The following TBC1D8 variants were observed in gnomAD, a reference collection of about 807,000 sequenced individuals.
TBC1D8 encodes the protein TBC1 domain family member 8, also known as BUB2-like protein 1.
Under a neutral mutation model 118.8 loss-of-function variants are expected in TBC1D8, and 65 were observed. The observed-to-expected ratio is 0.55, with a 90% CI of 0.45 to 0.67. The LOEUF is 0.67. Among genes scored for constraint, TBC1D8 ranks in the 30% least tolerant of loss-of-function variants. TBC1D8 has a pLI of 0.00. For missense variants in TBC1D8, 1,376 were observed against 1,471.2 expected (o/e 0.94, Z 1.06); for synonymous variants, 566 against 595.8 (o/e 0.95, Z 0.73).
Position 101,139,422 on chromosome 2 carries a change from C to G in TBC1D8, c.127+11705G>C, listed in dbSNP as rs1261254090. 3.3e-5 allele frequency among the ~76,000 whole-genome samples: 5 copies of G among 152,182 alleles called. No homozygotes were observed. The South Asian group carries it at 1.0e-3, about 31-fold the overall frequency. The stretch of plus-strand genomic sequence containing the variant: ...CCCTCCAGTCTCCAGCCCGCTCCCA[C>G]GCCACATCTGCCTGCATCCAAGCTG... On this transcript the variant is annotated intron_variant, in intron 1 of 19. Transcript: ENST00000409318.
At chr2:101,082,634 C>T (rs902530787) in intron 2 of TBC1D8, among the ~76,000 whole-genome samples, 1 of 152,216 alleles carries the variant, frequency 6.6e-6, no homozygotes, top group Non-Finnish European at 1.5e-5. Flanking sequence ...ACATGCGGGA[C>T]ACTTGAAGAT....
At chr2:101,014,709 T>C (rs891105936) in intron 17 of TBC1D8, among the ~76,000 whole-genome samples, 6 of 152,320 alleles carry the variant, frequency 3.9e-5, no homozygotes, top group Admixed American at 3.9e-4. Context: ...AGCAGATATC[T>C]TGACATATTG....
intron 3 of TBC1D8, among the ~76,000 whole-genome samples, chr2:101,056,902 G>T (rs974520872): frequency 2.6e-5 from 4 of 152,208 alleles, no homozygotes; most frequent in African/African-American, 9.7e-5. Flanking sequence ...CAGGATATGA[G>T]TAGGAAAGCC....
chr2:101,022,184 C>T (rs1316982565), intron 16 of TBC1D8, 97 bp downstream of exon 16: 7 of 1,562,258 alleles, frequency 4.5e-6, no homozygotes, highest in Non-Finnish European at 4.3e-6. Flanking sequence ...AAAAGTGTTA[C>T]ACCATGTGCA....
At chr2:101,146,235 C>T (rs1482518895) in intron 1 of TBC1D8, among the ~76,000 whole-genome samples, 1 of 152,174 alleles carries the variant, frequency 6.6e-6, no homozygotes, top group African/African-American at 2.4e-5. Context: ...AACTCAAAGC[C>T]TCTCAGTCCA....
chr2:101,082,411 T>C (rs1675325537), intron 2 of TBC1D8, among the ~76,000 whole-genome samples: 1 of 152,156 alleles, frequency 6.6e-6, no homozygotes, highest in Admixed American at 6.6e-5. Flanking sequence ...CCGGCCCTCC[T>C]GCAGGCTGGG....
In TBC1D8 at chr2:101,054,283, G is replaced by A. The variant is rs369641532; in HGVS notation, c.456C>T (p.Pro152=). 1.4e-5 allele frequency: 22 copies of A among 1,592,022 alleles called. No individual in the cohort carries two copies. The African/African-American group carries it at 1.7e-4, about 13-fold the overall frequency. The change falls in exon 4 of 20, where the codon CCC becomes CCT. Residue 152 remains proline (P), a synonymous_variant. Transcript: ENST00000409318. ...SSRLAEQEEE[P]EKFREALVKF... is the part of the protein sequence containing the mutation. ...TCACCAGGGCTTCTCGGAATTTCTCGGGTTCCTCCTCCTGCTCGGCGAGCC... is the reference window on the plus strand; with the variant it reads ...TCACCAGGGCTTCTCGGAATTTCTCAGGTTCCTCCTCCTGCTCGGCGAGCC...
At chr2:101,039,337 C>A (rs1417684796) in intron 6 of TBC1D8, among the ~76,000 whole-genome samples, 2 of 152,134 alleles carry the variant, frequency 1.3e-5, no homozygotes, top group Non-Finnish European at 2.9e-5. Context: ...AGAATAATAA[C>A]ATGGAGTTAG....
chr2:101,009,102 G>A (rs1030194032), intron 19 of TBC1D8, among the ~76,000 whole-genome samples: 1 of 151,936 alleles, frequency 6.6e-6, no homozygotes, highest in African/African-American at 2.4e-5. Context: ...ATAGAAAAAT[G>A]GTTGGGTATG....
rs78314416 is a variant in TBC1D8, at chr2:101,021,339, A to G, written c.2827+342T>C. On this transcript the variant is annotated intron_variant, in intron 17 of 19. Coordinates refer to ENST00000409318, the MANE Select transcript of TBC1D8 (RefSeq NM_001330348.2). ...GGTTCTTCAGATTCAGTAGCCTAAA[A>G]TAACTATTAAGGTAATGAGGATATG... Among the ~76,000 whole-genome samples the G allele has an allele frequency of 2.1e-3, 322 of 152,294 alleles. 1 individual carries two copies. Among genetic ancestry groups the G allele is most frequent in the Non-Finnish European group, 2.9e-3 (197 of 68,020 alleles).
At chr2:101,009,115 C>T (rs955481696) in intron 19 of TBC1D8, among the ~76,000 whole-genome samples, 5 of 151,736 alleles carry the variant, frequency 3.3e-5, no homozygotes, top group South Asian at 2.1e-4. Context: ...TGGGTATGGC[C>T]GGGTGCGGTG....
At chr2:101,125,931 C>T (rs1037807453) in intron 1 of TBC1D8, among the ~76,000 whole-genome samples, 6 of 152,192 alleles carry the variant, frequency 3.9e-5, no homozygotes, top group African/African-American at 1.2e-4. Flanking sequence ...ACTCCATTCT[C>T]CTTCCCCTTG....
intron 1 of TBC1D8, among the ~76,000 whole-genome samples, chr2:101,126,981 G>A (rs938658890): frequency 6.6e-6 from 1 of 152,172 alleles, no homozygotes; most frequent in Non-Finnish European, 1.5e-5. Context: ...CAAGGGCTTG[G>A]GGGTTGACTC....
In TBC1D8 at chr2:101,114,914, A is replaced by C. The variant is rs577703381; in HGVS notation, c.128-24550T>G. ...GGGTGCCACCCCACGGAAATAAGGA[A>C]GTGCAGTTGGCCCCATGGTCCCTGG... On this transcript the variant is annotated intron_variant, in intron 1 of 19. Coordinates refer to ENST00000409318, the MANE Select transcript of TBC1D8 (RefSeq NM_001330348.2). Among the ~76,000 whole-genome samples the C allele has an allele frequency of 4.6e-5, 7 of 152,318 alleles. No individual in the cohort carries two copies. In the South Asian group the frequency reaches 1.4e-3, roughly 32 times the overall value.
At chr2:101,085,372 C>T (rs557266922) in intron 2 of TBC1D8, among the ~76,000 whole-genome samples, 66 of 152,110 alleles carry the variant, frequency 4.3e-4, no homozygotes, top group Non-Finnish European at 5.4e-4. Context: ...GACAACTCCC[C>T]AGAAGCCAAC....
intron 5 of TBC1D8, among the ~76,000 whole-genome samples, chr2:101,041,347 A>T (rs1045432748): frequency 6.6e-6 from 1 of 152,204 alleles, no homozygotes; most frequent in African/African-American, 2.4e-5. Context: ...AATATTGTTC[A>T]GCCATAAAAA....
chr2:101,017,798 T>C (rs1679764615), intron 17 of TBC1D8: 1 of 1,536,702 alleles, frequency 6.5e-7, no homozygotes, highest in South Asian at 1.2e-5. Context: ...CTCAGGACTT[T>C]TTAATATTAG....
At chr2:101,150,980 GA>G (rs1558735840) in intron 1 of TBC1D8, 146 bp downstream of exon 1, 1 of 539,034 alleles carries the variant, frequency 1.9e-6, no homozygotes, top group African/African-American at 2.1e-5. Context: ...CAGAAAAAAG[GA>G]AAACAAGCCC....
At chr2:101,040,916 T>C (rs894219041) in intron 5 of TBC1D8, among the ~76,000 whole-genome samples, 1 of 152,264 alleles carries the variant, frequency 6.6e-6, no homozygotes, top group African/African-American at 2.4e-5. Flanking sequence ...GCAGACGCGC[T>C]GTCTCTGCAC....
Sources: gnomAD v4.1 joint callset for allele counts (sites outside exome capture counted in the v4.1 genomes callset) on GRCh38, gnomAD v4.1.1 for gene constraint, MANE v1.5 for transcripts, NCBI Gene and HGNC (gene_info 2026-07-23, HGNC 2026-07-21) for gene names.